Variants in ARK2N observed in about 807,000 individuals in gnomAD.
The protein encoded by ARK2N is arkadia (RNF111) N-terminal like PKA signaling regulator 2N, also known as protein ARK2N.
chr18:46,177,247 A>G, the ARK2N span, among the ~76,000 whole-genome samples: 1 of 151,952 alleles, frequency 6.6e-6, no homozygotes, highest in African/African-American at 2.4e-5. Context: ...GGGGATAGAA[A>G]ATAGAGTGGA....
the ARK2N span, among the ~76,000 whole-genome samples, chr18:46,192,231 T>C: frequency 2.3e-3 from 357 of 152,226 alleles, 1 homozygote; most frequent in Non-Finnish European, 4.0e-3. Context: ...CTCATTATTA[T>C]AGGATGTAGT....
chr18:46,234,839 A>G, the ARK2N span, among the ~76,000 whole-genome samples: 1 of 152,002 alleles, frequency 6.6e-6, no homozygotes, highest in East Asian at 1.9e-4. Flanking sequence ...AACAAGACAG[A>G]TTTTTTTTCT....
the ARK2N span, among the ~76,000 whole-genome samples, chr18:46,195,014 C>G: frequency 5.9e-5 from 9 of 151,472 alleles, no homozygotes; most frequent in Non-Finnish European, 1.2e-4. Context: ...GTTGACTAGG[C>G]TGGTCTCGAA....
chr18:46,244,712 G>A, the ARK2N span, among the ~76,000 whole-genome samples: 409 of 143,164 alleles, frequency 2.9e-3, 4 homozygotes, highest in African/African-American at 9.7e-3. Context: ...AGTAATTTTC[G>A]TGCCTCAGCC....
chr18:46,260,126 C>T, the ARK2N span, among the ~76,000 whole-genome samples: 1 of 152,140 alleles, frequency 6.6e-6, no homozygotes, highest in Non-Finnish European at 1.5e-5. Flanking sequence ...TGACAGATGC[C>T]TCAGCAATTA....
At chr18:46,249,486 C>T in the ARK2N span, among the ~76,000 whole-genome samples, 2 of 152,150 alleles carry the variant, frequency 1.3e-5, no homozygotes, top group East Asian at 3.9e-4. Context: ...CCCGCCTCGG[C>T]CTCCCAAAGT....
At chr18:46,210,286 GAGTT>G in the ARK2N span, among the ~76,000 whole-genome samples, 1 of 152,318 alleles carries the variant, frequency 6.6e-6, no homozygotes, top group African/African-American at 2.4e-5. Context: ...GGATTGATAG[GAGTT>G]AGTGAATGAT....
the ARK2N span, chr18:46,232,568 G>T: frequency 2.0e-5 from 3 of 152,094 alleles, no homozygotes; most frequent in African/African-American, 4.8e-5. Context: ...ATTGTGAATT[G>T]TAAGTAACAG....
chr18:46,177,764 C>T, the ARK2N span, among the ~76,000 whole-genome samples: 1 of 151,940 alleles, frequency 6.6e-6, no homozygotes, highest in African/African-American at 2.4e-5. Context: ...AAAAACTTAG[C>T]TGGGTGGGGT....
the ARK2N span, chr18:46,215,960 C>T: frequency 1.4e-5 from 23 of 1,614,120 alleles, no homozygotes; most frequent in Non-Finnish European, 1.9e-5. Context: ...GAACAAGAGA[C>T]AGCCAAGGAG....
chr18:46,251,090 C>T, the ARK2N span, among the ~76,000 whole-genome samples: 2 of 152,192 alleles, frequency 1.3e-5, no homozygotes, highest in East Asian at 3.9e-4. Flanking sequence ...CATAGCATGT[C>T]GCAAGTATTT....
At chr18:46,210,878 T>A in the ARK2N span, among the ~76,000 whole-genome samples, 1 of 150,518 alleles carries the variant, frequency 6.6e-6, no homozygotes, top group Non-Finnish European at 1.5e-5. Context: ...GCCCCTGCAT[T>A]CCAGCCTGGG....
At chr18:46,205,432 G>A in the ARK2N span, among the ~76,000 whole-genome samples, 1 of 152,146 alleles carries the variant, frequency 6.6e-6, no homozygotes, top group Non-Finnish European at 1.5e-5. Context: ...TACAATCTGA[G>A]TCTACAGGAA....
chr18:46,261,119 A>G, the ARK2N span, among the ~76,000 whole-genome samples: 111,640 of 152,110 alleles, frequency 0.73, 41,097 homozygotes, highest in Middle Eastern at 0.77. Flanking sequence ...ATTAGTGCTT[A>G]TACAGGTGAG....
the ARK2N span, chr18:46,228,682 T>G: frequency 7.6e-6 from 3 of 396,098 alleles, no homozygotes; most frequent in African/African-American, 6.2e-5. Flanking sequence ...GCCTCCCAGG[T>G]TCAAGCAATC....
chr18:46,225,915 C>T, the ARK2N span, among the ~76,000 whole-genome samples: 2 of 152,158 alleles, frequency 1.3e-5, no homozygotes, highest in Admixed American at 6.5e-5. Flanking sequence ...GGGAGCCATC[C>T]TCTTCCTTGC....
the ARK2N span, among the ~76,000 whole-genome samples, chr18:46,211,658 A>G: frequency 6.6e-6 from 1 of 152,176 alleles, no homozygotes; most frequent in Non-Finnish European, 1.5e-5. Context: ...GGAATAATCA[A>G]TAATGTAAGA....
the ARK2N span, among the ~76,000 whole-genome samples, chr18:46,187,043 G>T: frequency 6.7e-6 from 1 of 149,608 alleles, no homozygotes; most frequent in Non-Finnish European, 1.5e-5. Context: ...TGTTAGAGAC[G>T]GGGTTTCTCC....
At chr18:46,252,595 A>T in the ARK2N span, among the ~76,000 whole-genome samples, 1 of 152,074 alleles carries the variant, frequency 6.6e-6, no homozygotes, top group Non-Finnish European at 1.5e-5. Flanking sequence ...TTTAGTTTAG[A>T]TTAGGTGTTG....
Sources: allele counts gnomAD v4.1 joint callset (sites outside exome capture counted in the v4.1 genomes callset), GRCh38; gene constraint gnomAD v4.1.1; transcripts MANE v1.5; gene names NCBI Gene and HGNC (gene_info 2026-07-23, HGNC 2026-07-21).